GLYR1: variants seen among roughly 807,000 people sequenced by gnomAD.
GLYR1 encodes cytokine-like nuclear factor N-PAC.
A neutral mutation model predicts 72.7 loss-of-function variants in GLYR1; 21 were observed. The ratio of observed to expected loss-of-function variants is 0.29; its 90% CI spans 0.20 to 0.42. The LOEUF (loss-of-function observed/expected upper bound fraction) is 0.42, where lower values mean the gene tolerates loss of function less well. Ranked by LOEUF, GLYR1 falls within the 10% of genes least tolerant of loss-of-function variation. GLYR1 has a pLI of 1.00. For synonymous variants in GLYR1, 392 were observed against 270.2 expected (o/e 1.45, Z -4.42); for missense variants, 594 against 712.1 (o/e 0.83, Z 1.89).
chr16:4,805,299 T>C lies in GLYR1; in HGVS notation c.1599A>G (p.Arg533=), dbSNP rs779023215. 6.2e-7 allele frequency: 1 copy of C among 1,613,862 alleles called. No homozygotes were observed. The highest frequency in any genetic ancestry group is 8.5e-7 in the Non-Finnish European group (1 of 1,179,936). ...TGTCAGACTGGTCCAGCGCCTTGGC[T>C]CTTTTGTACACCTGGAAAAAAAAGA... ...MAAAANEVYK[R]AKALDQSDND... The change falls in exon 16 of 16, where the codon AGA becomes AGG. Residue 533 remains arginine, a synonymous_variant. Coordinates refer to ENST00000321919, the MANE Select transcript of GLYR1 (RefSeq NM_032569.4).
At chr16:4,833,250 C>G (rs2084910126) in intron 3 of GLYR1, 1 of 179,894 alleles carries the variant, frequency 5.6e-6, no homozygotes. Flanking sequence ...TTGCTCAGGG[C>G]AGAAAGAAAT....
chr16:4,824,041 A>G (rs2084221271), intron 5 of GLYR1, 134 bp from the exon 6 acceptor site: 1 of 621,826 alleles, frequency 1.6e-6, no homozygotes, highest in Admixed American at 3.1e-5. Context: ...CGGGAGAAAC[A>G]AGCCAGTTCT....
At chr16:4,823,605 T>A (rs2084182457) in intron 6 of GLYR1, among the ~76,000 whole-genome samples, 1 of 152,212 alleles carries the variant, frequency 6.6e-6, no homozygotes, top group Non-Finnish European at 1.5e-5. Context: ...GAATGCTAAG[T>A]GGGCATCCCA....
chr16:4,804,933 C>CTGTGTGTGTGTGTGTGTGTGTGTG lies in GLYR1; in HGVS notation c.*279_*302dup, dbSNP rs143624351. ...GCAGCTTCTATCCTGGGGCGAGAGC[C>CTGTGTGTGTGTGTGTGTGTGTGTG]TGTGTGTGTGTGTGTGTGTGTGTGT... is the stretch of plus-strand genomic sequence containing the variant. On this transcript the variant is annotated 3_prime_UTR_variant, in exon 16 of 16. Transcript: ENST00000321919. The CTGTGTGTGTGTGTGTGTGTGTGTG allele has an allele frequency of 1.3e-3, 381 of 297,488 alleles. 5 individuals are homozygous for CTGTGTGTGTGTGTGTGTGTGTGTG. The highest frequency in any genetic ancestry group is 3.2e-3 in the Middle Eastern group (3 of 948). 18.4% of individuals were successfully genotyped at this position (297,488 alleles called of 1,614,324 possible).
At chr16:4,816,536 A>G (rs1426151963) in intron 10 of GLYR1, among the ~76,000 whole-genome samples, 4 of 152,208 alleles carry the variant, frequency 2.6e-5, no homozygotes, top group Non-Finnish European at 5.9e-5. Context: ...CGTATTTGCT[A>G]CAAGTACTTC....
intron 15 of GLYR1, among the ~76,000 whole-genome samples, chr16:4,807,873 A>C (rs1364932868): frequency 6.6e-6 from 1 of 152,244 alleles, no homozygotes; most frequent in Non-Finnish European, 1.5e-5. Context: ...TTGAAATAGT[A>C]ATGTAATCTG....
intron 1 of GLYR1, chr16:4,846,920 C>T: frequency 4.5e-6 from 2 of 448,998 alleles, no homozygotes; most frequent in Admixed American, 4.4e-5. Flanking sequence ...ACCGGTCGTC[C>T]GGGGAAGCCT....
At chr16:4,820,239 T>A (rs902253387) in intron 9 of GLYR1, among the ~76,000 whole-genome samples, 2 of 152,210 alleles carry the variant, frequency 1.3e-5, no homozygotes, top group East Asian at 1.9e-4. Flanking sequence ...TCCGCCCACC[T>A]TGGCCTCCCA....
chr16:4,827,895 G>A (rs1189032856), intron 5 of GLYR1, among the ~76,000 whole-genome samples: 4 of 151,730 alleles, frequency 2.6e-5, no homozygotes, highest in African/African-American at 7.3e-5. Flanking sequence ...ACGAGACTCC[G>A]TCTCAAAAAA....
intron 5 of GLYR1, among the ~76,000 whole-genome samples, chr16:4,831,176 T>C (rs965953492): frequency 1.3e-5 from 2 of 152,192 alleles, no homozygotes; most frequent in Non-Finnish European, 2.9e-5. Context: ...TATGGAATCT[T>C]AAGAACTCTT....
intron 3 of GLYR1, among the ~76,000 whole-genome samples, chr16:4,842,801 C>G (rs1447962937): frequency 6.6e-6 from 1 of 152,064 alleles, no homozygotes; most frequent in East Asian, 1.9e-4. Flanking sequence ...CCAGGTTCAA[C>G]CAATTCTACT....
In GLYR1 at chr16:4,845,002, T is replaced by C. The variant is rs1057270146; in HGVS notation, c.155+72A>G. 4.0e-6 allele frequency: 4 copies of C among 989,194 alleles called. No homozygotes were observed. In the African/African-American group the frequency reaches 6.4e-5, roughly 16 times the overall value. The allele number at this position is 989,194 out of a possible 1,614,324, so 61.3% of individuals were successfully genotyped here. ...ACTGAACTAAGGATCCTTAGAATAT[T>C]TTCAAAGCAGCTCAGACTCCAGGTA... On this transcript the variant is annotated intron_variant, in intron 3 of 15. Coordinates refer to ENST00000321919, the MANE Select transcript of GLYR1 (RefSeq NM_032569.4).
At chr16:4,840,333 T>C (rs2085457863) in intron 3 of GLYR1, 1 of 152,276 alleles carries the variant, frequency 6.6e-6, no homozygotes, top group South Asian at 2.1e-4. Context: ...TTCCCTTTTC[T>C]GGATCTTGGC....
At chr16:4,810,512 A>G (rs1462630080) in intron 15 of GLYR1, among the ~76,000 whole-genome samples, 1 of 151,540 alleles carries the variant, frequency 6.6e-6, no homozygotes, top group African/African-American at 2.4e-5. Context: ...TCTGTCTCAA[A>G]AAAAAGAAAA....
At chr16:4,820,100 C>T (rs1051686452) in intron 9 of GLYR1, among the ~76,000 whole-genome samples, 7 of 152,080 alleles carry the variant, frequency 4.6e-5, no homozygotes, top group Non-Finnish European at 7.4e-5. Flanking sequence ...CGGGTTCAAG[C>T]GATTCTCCCA....
At chr16:4,844,133 A>C (rs1320725200) in intron 3 of GLYR1, among the ~76,000 whole-genome samples, 1 of 151,542 alleles carries the variant, frequency 6.6e-6, no homozygotes, top group African/African-American at 2.4e-5. Flanking sequence ...AAAAAAAAAA[A>C]ATCAAACCAT....
chr16:4,819,302 T>C (rs1303949431), intron 9 of GLYR1, among the ~76,000 whole-genome samples: 1 of 152,154 alleles, frequency 6.6e-6, no homozygotes, highest in Non-Finnish European at 1.5e-5. Flanking sequence ...CGTGAGCCAC[T>C]GCACCCAGCC....
intron 11 of GLYR1, 95 bp from the exon 12 acceptor site, chr16:4,813,933 G>T: frequency 1.1e-6 from 1 of 925,942 alleles, no homozygotes; most frequent in Non-Finnish European, 1.6e-6. Context: ...TGCTGTTTTG[G>T]CTCATTTCCT....
chr16:4,837,554 C>T (rs2085224195), intron 3 of GLYR1, among the ~76,000 whole-genome samples: 1 of 151,906 alleles, frequency 6.6e-6, no homozygotes, highest in Admixed American at 6.6e-5. Flanking sequence ...CGGGGTGAAG[C>T]CGTGAAGCTA....
Sources: gnomAD v4.1 joint callset for allele counts (sites outside exome capture counted in the v4.1 genomes callset) on GRCh38, gnomAD v4.1.1 for gene constraint, MANE v1.5 for transcripts, NCBI Gene and HGNC (gene_info 2026-07-23, HGNC 2026-07-21) for gene names.